Variants in EPHA3 observed in about 807,000 individuals in gnomAD.
The protein encoded by EPHA3 is EPH receptor A3, also known as ephrin type-A receptor 3.
Under a neutral mutation model 107.1 loss-of-function variants are expected in EPHA3, and 42 were observed. The observed-to-expected ratio is 0.39, with a 90% CI of 0.31 to 0.51. The LOEUF (loss-of-function observed/expected upper bound fraction) is 0.51, where lower values mean the gene tolerates loss of function less well. EPHA3 is among the 20% of genes least tolerant of loss of function. EPHA3 has a pLI of 0.78. For synonymous variants in EPHA3, 461 were observed against 424.8 expected (o/e 1.09, Z -1.05); for missense variants, 1,183 against 1,211.2 (o/e 0.98, Z 0.35).
In EPHA3 at chr3:89,262,045, T is replaced by C. The variant is rs116405470; in HGVS notation, c.814+51525T>C. Reference sequence around the variant, plus strand: ...AGATAACACAAAATATGCAATAGTTTAAGTCACAATTTTAGTTTTCACTGG... The same window carrying C: ...AGATAACACAAAATATGCAATAGTTCAAGTCACAATTTTAGTTTTCACTGG... On this transcript the variant is annotated intron_variant, in intron 3 of 16. Coordinates refer to ENST00000336596, the MANE Select transcript of EPHA3 (RefSeq NM_005233.6). 5.3e-3 allele frequency among the ~76,000 whole-genome samples: 804 copies of C among 152,216 alleles called. 6 individuals are homozygous for C. Among genetic ancestry groups the C allele is most frequent in the African/African-American group, 0.018 (755 of 41,538 alleles).
chr3:89,222,372 T>A (rs1365402253), intron 3 of EPHA3, among the ~76,000 whole-genome samples: 1 of 147,752 alleles, frequency 6.8e-6, no homozygotes, highest in Non-Finnish European at 1.5e-5. Flanking sequence ...TATATGTATA[T>A]ACCTATGTAT....
chr3:89,326,127 T>C (rs1413255019), intron 3 of EPHA3, among the ~76,000 whole-genome samples: 1 of 151,764 alleles, frequency 6.6e-6, no homozygotes, highest in East Asian at 1.9e-4. Context: ...TATGTACATA[T>C]TACATATATT....
At chr3:89,159,030 T>C (rs1704865014) in intron 2 of EPHA3, among the ~76,000 whole-genome samples, 1 of 152,142 alleles carries the variant, frequency 6.6e-6, no homozygotes, top group Non-Finnish European at 1.5e-5. Flanking sequence ...CCACATTTCC[T>C]TAAGCATATG....
chr3:89,318,167 T>C (rs1326584011), intron 3 of EPHA3, among the ~76,000 whole-genome samples: 1 of 151,876 alleles, frequency 6.6e-6, no homozygotes, highest in Non-Finnish European at 1.5e-5. Flanking sequence ...TTTTGTAACA[T>C]CATATTTTAC....
chr3:89,334,893 A>G (rs1235201909), intron 3 of EPHA3, among the ~76,000 whole-genome samples: 1 of 152,310 alleles, frequency 6.6e-6, no homozygotes, highest in South Asian at 2.1e-4. Context: ...CTTTTCCTCT[A>G]ACATGCTGAA....
At chr3:89,368,005 G>C (rs1483707844) in intron 5 of EPHA3, among the ~76,000 whole-genome samples, 3 of 150,422 alleles carry the variant, frequency 2.0e-5, no homozygotes, top group Non-Finnish European at 3.0e-5. Context: ...ACCAAGGCAT[G>C]GCTCACATTT....
rs528443054 is a variant in EPHA3, at chr3:89,128,041, A to G, written c.153+768A>G. ...TGAGCATACCTTTTTGTTTCTAAGT[A>G]TAGTTTGTGAAATATGTGAAGTACT... On this transcript the variant is annotated intron_variant, in intron 2 of 16. Transcript: ENST00000336596. 3.9e-5 allele frequency among the ~76,000 whole-genome samples: 6 copies of G among 152,238 alleles called. No individual in the cohort carries two copies. In the South Asian group the frequency reaches 1.0e-3, roughly 26 times the overall value.
chr3:89,343,873 G>A (rs1707586528), intron 5 of EPHA3, among the ~76,000 whole-genome samples: 1 of 152,006 alleles, frequency 6.6e-6, no homozygotes, highest in Non-Finnish European at 1.5e-5. Flanking sequence ...TTCCGTTAAT[G>A]GTATTTATAC....
In EPHA3 at chr3:89,450,231, G is replaced by A. The variant is rs535947136; in HGVS notation, c.2551G>A (p.Ala851Thr). The change falls in exon 15 of 17, where the codon GCT (alanine) becomes ACT (threonine). Residue 851 changes from alanine (A) to threonine (T), a missense_variant. By Grantham distance (58) the Ala-to-Thr change is moderately conservative. Transcript: ENST00000336596. ...ACTGCCACCCCCCATGGACTGCCCAGCTGCCTTGTATCAGCTGATGCTGGA... is the reference window on the plus strand; with the variant it reads ...ACTGCCACCCCCCATGGACTGCCCAACTGCCTTGTATCAGCTGATGCTGGA... ...YRLPPPMDCP[A>T]ALYQLMLDCW... 1 of 1,613,644 alleles carries A rather than the reference G, an allele frequency of 6.2e-7. No individual in the cohort carries two copies. The highest frequency in any genetic ancestry group is 2.2e-5 in the East Asian group (1 of 44,848).
chr3:89,167,268 A>T (rs1006702411), intron 2 of EPHA3, among the ~76,000 whole-genome samples: 10 of 152,084 alleles, frequency 6.6e-5, no homozygotes, highest in African/African-American at 1.9e-4. Context: ...CATAACATTC[A>T]CTCTGTTTAC....
intron 5 of EPHA3, among the ~76,000 whole-genome samples, chr3:89,381,527 G>T (rs189799312): frequency 2.6e-5 from 4 of 151,852 alleles, no homozygotes; most frequent in African/African-American, 9.7e-5. Flanking sequence ...AAATTAGCCC[G>T]GCATGGTGGC....
chr3:89,340,260 AGT>A (rs1352877528), intron 3 of EPHA3, among the ~76,000 whole-genome samples: 2 of 152,232 alleles, frequency 1.3e-5, no homozygotes, highest in Non-Finnish European at 2.9e-5. Context: ...ACAGTTCATA[AGT>A]GTATTAGTTT....
intron 13 of EPHA3, among the ~76,000 whole-genome samples, chr3:89,434,620 G>T (rs1709632252): frequency 6.6e-6 from 1 of 152,144 alleles, no homozygotes; most frequent in Non-Finnish European, 1.5e-5. Flanking sequence ...GGAAACATTT[G>T]TCCAACTTTA....
chr3:89,435,450 TATATATAA>T (rs1375463370), intron 13 of EPHA3, among the ~76,000 whole-genome samples: 123 of 145,226 alleles, frequency 8.5e-4, no homozygotes, highest in African/African-American at 2.7e-3. Flanking sequence ...AAAATATATA[TATATATAA>T]ATATATATTT....
At chr3:89,373,344 T>G (rs1339853109) in intron 5 of EPHA3, among the ~76,000 whole-genome samples, 1 of 151,892 alleles carries the variant, frequency 6.6e-6, no homozygotes, top group East Asian at 1.9e-4. Flanking sequence ...GATAACAACC[T>G]TTTAAATGTG....
At chr3:89,441,889 C>A (rs116635254) in intron 13 of EPHA3, among the ~76,000 whole-genome samples, 1 of 152,020 alleles carries the variant, frequency 6.6e-6, no homozygotes, top group Non-Finnish European at 1.5e-5. Context: ...AAATTTATTG[C>A]CCCAGCTTCT....
At chr3:89,314,002 G>A (rs1211317561) in intron 3 of EPHA3, among the ~76,000 whole-genome samples, 2 of 151,850 alleles carry the variant, frequency 1.3e-5, no homozygotes, top group Non-Finnish European at 2.9e-5. Flanking sequence ...ATTTGATGCT[G>A]TATGTACACA....
chr3:89,147,500 C>T (rs1704589253), intron 2 of EPHA3, among the ~76,000 whole-genome samples: 1 of 151,848 alleles, frequency 6.6e-6, no homozygotes, highest in Non-Finnish European at 1.5e-5. Context: ...TGCTTTGGCA[C>T]CTCACACTGC....
At chr3:89,318,102 C>G (rs116861235) in intron 3 of EPHA3, among the ~76,000 whole-genome samples, 1 of 151,680 alleles carries the variant, frequency 6.6e-6, no homozygotes, top group Non-Finnish European at 1.5e-5. Context: ...CTTCCATGAC[C>G]CAGTCAGATT....
Sources: allele counts gnomAD v4.1 joint callset (sites outside exome capture counted in the v4.1 genomes callset), GRCh38; gene constraint gnomAD v4.1.1; transcripts MANE v1.5; gene names NCBI Gene and HGNC (gene_info 2026-07-23, HGNC 2026-07-21).